Variants in NKAIN2 observed in about 807,000 individuals in gnomAD.
The protein encoded by NKAIN2 is sodium/potassium transporting ATPase interacting 2.
NKAIN2 carries 14 observed loss-of-function variants against 32.6 expected under a neutral mutation model. The observed-to-expected ratio is 0.43, with a 90% CI of 0.28 to 0.67. The LOEUF is 0.67. NKAIN2 is among the 30% of genes least tolerant of loss of function. NKAIN2 has a pLI of 0.17. For synonymous variants in NKAIN2, 80 were observed against 87.2 expected (o/e 0.92, Z 0.46); for missense variants, 198 against 258.3 (o/e 0.77, Z 1.60).
chr6:124,012,987 C>A (rs896086789), intron 1 of NKAIN2, among the ~76,000 whole-genome samples: 4 of 152,154 alleles, frequency 2.6e-5, no homozygotes, highest in Admixed American at 2.0e-4. Context: ...ACCTCCCCGC[C>A]AACATTTGAT....
chr6:124,486,524 A>AG, intron 3 of NKAIN2, among the ~76,000 whole-genome samples: 1 of 152,292 alleles, frequency 6.6e-6, no homozygotes, highest in Non-Finnish European at 1.5e-5. Context: ...TTATTCTAAA[A>AG]TAACTTTTTA....
intron 1 of NKAIN2, among the ~76,000 whole-genome samples, chr6:123,854,811 T>C (rs949109810): frequency 6.6e-6 from 1 of 152,144 alleles, no homozygotes; most frequent in Non-Finnish European, 1.5e-5. Flanking sequence ...AGAAGGTCAT[T>C]AACTTTATTA....
intron 1 of NKAIN2, chr6:123,823,229 G>A (rs542667037): frequency 7.9e-5 from 12 of 152,286 alleles, no homozygotes; most frequent in African/African-American, 2.6e-4. Context: ...AGTACGTCCT[G>A]GATACAACAG....
intron 3 of NKAIN2, among the ~76,000 whole-genome samples, chr6:124,545,362 C>T (rs1780058702): frequency 6.6e-6 from 1 of 151,964 alleles, no homozygotes; most frequent in Admixed American, 6.6e-5. Flanking sequence ...CTATAATAAT[C>T]CCTTTGCCCA....
intron 1 of NKAIN2, among the ~76,000 whole-genome samples, chr6:123,819,543 A>G (rs537182412): frequency 1.3e-5 from 2 of 152,174 alleles, no homozygotes; most frequent in African/African-American, 4.8e-5. Context: ...CCAATCGTCT[A>G]ATTAGAAAAT....
intron 1 of NKAIN2, among the ~76,000 whole-genome samples, chr6:124,157,464 A>G (rs928014948): frequency 1.3e-5 from 2 of 152,162 alleles, no homozygotes; most frequent in African/African-American, 4.8e-5. Context: ...AGGTAGCGCT[A>G]TTGCTTTATT....
intron 4 of NKAIN2, among the ~76,000 whole-genome samples, chr6:124,699,707 C>T (rs1165342892): frequency 6.6e-6 from 1 of 152,128 alleles, no homozygotes; most frequent in Admixed American, 6.6e-5. Flanking sequence ...TGAGGTCTCC[C>T]CAGAAGCAGA....
chr6:124,025,399 C>T (rs565536168), intron 1 of NKAIN2, among the ~76,000 whole-genome samples: 66 of 151,038 alleles, frequency 4.4e-4, no homozygotes, highest in African/African-American at 1.5e-3. Flanking sequence ...CACAACAGCA[C>T]GAAGAACACC....
chr6:124,267,301 T>C (rs1411859581), intron 1 of NKAIN2, among the ~76,000 whole-genome samples: 1 of 152,142 alleles, frequency 6.6e-6, no homozygotes, highest in Non-Finnish European at 1.5e-5. Flanking sequence ...TGCTAATTGC[T>C]ACCACTCTTT....
chr6:124,788,750 G>A (rs1779616426), intron 4 of NKAIN2, among the ~76,000 whole-genome samples: 1 of 152,102 alleles, frequency 6.6e-6, no homozygotes, highest in Non-Finnish European at 1.5e-5. Context: ...TTCAAGATGA[G>A]ATTTGAGTGA....
At position 124,050,995 on chromosome 6, in the gene NKAIN2, G is replaced by A. The variant is rs970181983; in HGVS notation, c.55-232010G>A. On this transcript the variant is annotated intron_variant, in intron 1 of 6. Transcript: ENST00000368417. ...GATTCAAAACTAGCTTGAATATCAA[G>A]GATACACCTTTGAAGTAATCTTTTA... 3.3e-5 allele frequency among the ~76,000 whole-genome samples: 5 copies of A among 152,138 alleles called. No homozygotes were observed. In the South Asian group the frequency reaches 6.2e-4, roughly 19 times the overall value.
intron 3 of NKAIN2, among the ~76,000 whole-genome samples, chr6:124,557,453 T>C (rs182014228): frequency 6.6e-6 from 1 of 152,246 alleles, no homozygotes; most frequent in African/African-American, 2.4e-5. Flanking sequence ...TTGTGGAAAA[T>C]GCTCCCTTTT....
chr6:124,659,243 G>T (rs929061921), intron 4 of NKAIN2, among the ~76,000 whole-genome samples: 1 of 152,118 alleles, frequency 6.6e-6, no homozygotes, highest in Non-Finnish European at 1.5e-5. Flanking sequence ...TGCAATTGAT[G>T]TGCATAGTAT....
intron 3 of NKAIN2, among the ~76,000 whole-genome samples, chr6:124,457,035 T>A (rs1464975514): frequency 6.6e-6 from 1 of 151,920 alleles, no homozygotes; most frequent in African/African-American, 2.4e-5. Context: ...TGTACTTTAA[T>A]TTTTATTTAC....
chr6:124,678,880 C>A (rs1000997229), intron 4 of NKAIN2, among the ~76,000 whole-genome samples: 1 of 152,196 alleles, frequency 6.6e-6, no homozygotes, highest in African/African-American at 2.4e-5. Context: ...CAGACTCTGA[C>A]AACTTCTCAA....
At chr6:123,806,428 C>G (rs1773216235) in intron 1 of NKAIN2, among the ~76,000 whole-genome samples, 1 of 151,992 alleles carries the variant, frequency 6.6e-6, no homozygotes, top group African/African-American at 2.4e-5. Context: ...ATGATCACAC[C>G]TCAAAGGACC....
intron 4 of NKAIN2, among the ~76,000 whole-genome samples, chr6:124,741,324 G>A (rs1035876655): frequency 6.6e-6 from 1 of 151,762 alleles, no homozygotes; most frequent in African/African-American, 2.4e-5. Flanking sequence ...TAAGAATTAT[G>A]AGAGTGAATA....
In NKAIN2 at chr6:123,826,435, G is replaced by A. The variant is rs1774151935; in HGVS notation, c.54+22181G>A. Among the ~76,000 whole-genome samples, 4 of 152,020 alleles carry A rather than the reference G, an allele frequency of 2.6e-5. No homozygotes were observed. The South Asian group carries it at 6.2e-4, about 24-fold the overall frequency. ...TGTCATTAAGTACATTCATATTGTG[G>A]TGCAACCATCACCACCATCCATCTC... On this transcript the variant is annotated intron_variant, in intron 1 of 6. Transcript: ENST00000368417.
chr6:123,828,699 C>T (rs1226522041), intron 1 of NKAIN2: 1 of 152,220 alleles, frequency 6.6e-6, no homozygotes, highest in Non-Finnish European at 1.5e-5. Context: ...TCTTCCACTT[C>T]CTAAAATATC....
Sources: allele counts gnomAD v4.1 joint callset (sites outside exome capture counted in the v4.1 genomes callset), GRCh38; gene constraint gnomAD v4.1.1; transcripts MANE v1.5; gene names NCBI Gene and HGNC (gene_info 2026-07-23, HGNC 2026-07-21).